Variants in REM2 observed in about 807,000 individuals in gnomAD.
REM2 encodes the protein RRAD and GEM like GTPase 2.
In REM2, 24 loss-of-function variants were observed where a neutral mutation model predicts 24.4. That is an observed-to-expected ratio of 0.98 (90% CI 0.71 to 1.38). The LOEUF is 1.38. Among genes scored for constraint, REM2 ranks in the 40% most tolerant of loss-of-function variants. The pLI is 0.00. For missense variants in REM2, 429 were observed against 467.8 expected, an observed-to-expected ratio of 0.92 and a Z score of 0.77; for synonymous variants, 187 against 198.0, an observed-to-expected ratio of 0.94 and a Z score of 0.47.
intron 1 of REM2, among the ~76,000 whole-genome samples, chr14:22,883,598 C>G (rs2040089614): frequency 1.3e-5 from 2 of 152,096 alleles, no homozygotes; most frequent in African/African-American, 2.4e-5. Context: ...ATGCCCCCTC[C>G]CCCAGCACTC....
chr14:22,883,804 C>G (rs549360784), intron 1 of REM2, among the ~76,000 whole-genome samples: 1 of 152,218 alleles, frequency 6.6e-6, no homozygotes, highest in East Asian at 1.9e-4. Flanking sequence ...AGTATTGATC[C>G]TGGGCTATTT....
At chr14:22,885,583 C>T (rs1346175349) in intron 3 of REM2, among the ~76,000 whole-genome samples, 4 of 152,186 alleles carry the variant, frequency 2.6e-5, no homozygotes, top group South Asian at 2.1e-4. Context: ...ACAAACCCTG[C>T]AGCTCCAAGC....
chr14:22,885,857 C>T (rs143597825), intron 3 of REM2, among the ~76,000 whole-genome samples, 167 bp from the exon 4 acceptor site: 4 of 152,292 alleles, frequency 2.6e-5, no homozygotes, highest in African/African-American at 7.2e-5. Flanking sequence ...TAATTTCTTC[C>T]GCCTCCACAA....
rs550306736 is a variant in REM2 at position 22,884,428 on chromosome 14, G to A, written c.104-246G>A. 5.0e-4 allele frequency: 489 copies of A among 985,462 alleles called. 13 individuals are homozygous for A. In the South Asian group the frequency reaches 0.02, roughly 40 times the overall value. The allele number at this position is 985,462 out of a possible 1,614,324, so 61.0% of individuals were successfully genotyped here. A position where few individuals can be genotyped will look rare whatever the true frequency, so the allele number is the denominator to read the frequency against. On this transcript the variant is annotated intron_variant, in intron 1 of 4. Coordinates refer to ENST00000267396, the MANE Select transcript of REM2 (RefSeq NM_173527.3). Reference sequence around the variant, plus strand: ...CATTCAGGTCCCTTCCCTGCATGGGGCACGTTTTGAATAGGTTGGGGTTGG... The same window carrying A: ...CATTCAGGTCCCTTCCCTGCATGGGACACGTTTTGAATAGGTTGGGGTTGG...
In REM2 at chr14:22,883,379, C is replaced by A. The variant is rs201949801; in HGVS notation, c.92C>A (p.Thr31Lys). ...AGCCGCCGGGCCTCCCCTCCAGGGA[C>A]GCCCACACCAGGTGAGGGCTAACCT... ...SGSRRASPPG[T>K]PTPEADATLL... Residue 31 changes from threonine to lysine, a missense_variant, in exon 1 of 5, where the codon ACG becomes AAG. Thr to Lys is a moderately conservative substitution (Grantham distance 78). Coordinates refer to ENST00000267396, the MANE Select transcript of REM2 (RefSeq NM_173527.3). 6.4e-7 allele frequency: 1 copy of A among 1,553,774 alleles called. No homozygotes were observed. The highest frequency in any genetic ancestry group is 1.2e-5 in the South Asian group (1 of 84,186).
intron 3 of REM2, 27 bp from the exon 4 acceptor site, chr14:22,885,997 C>T (rs2040121807): frequency 6.3e-7 from 1 of 1,590,722 alleles, no homozygotes; most frequent in Non-Finnish European, 8.6e-7. Context: ...ATGCCTCCAG[C>T]CCTAACGTTC....
rs1402048091 is a variant in REM2 at position 22,887,560 on chromosome 14, G to A, written c.*651G>A. The A allele has an allele frequency of 6.6e-6, 1 of 152,198 alleles. No individual in the cohort carries two copies. Among genetic ancestry groups the A allele is most frequent in the Non-Finnish European group, 1.5e-5 (1 of 68,034 alleles). The allele number at this position is 152,198 out of a possible 1,614,324, so 9.4% of individuals were successfully genotyped here. On this transcript the variant is annotated 3_prime_UTR_variant, in exon 5 of 5. Coordinates refer to ENST00000267396, the MANE Select transcript of REM2 (RefSeq NM_173527.3). ...CCCCTTTAAGGTTATTAAAGGTAAG[G>A]GGTGGACAGACTTTCTGCATTCAGA...
chr14:22,887,087 C>T lies in REM2; in HGVS notation c.*178C>T. 2.1e-6 allele frequency: 1 copy of T among 470,144 alleles called. No homozygotes were observed. Among genetic ancestry groups the T allele is most frequent in the Non-Finnish European group, 3.6e-6 (1 of 275,356 alleles). 29.1% of individuals were successfully genotyped at this position (470,144 alleles called of 1,614,324 possible). On this transcript the variant is annotated 3_prime_UTR_variant, in exon 5 of 5. Coordinates refer to ENST00000267396, the MANE Select transcript of REM2 (RefSeq NM_173527.3). ...GCCCGGGGCCGCTCGGCGGCACCTC[C>T]ACACCCGCCCCAACGCGTTCTCTGG...
chr14:22,885,309 G>A lies in REM2; in HGVS notation c.489G>A (p.Val163=). Residue 163 remains valine (V), a synonymous_variant, in exon 3 of 5, where the codon GTG becomes GTA. Coordinates refer to ENST00000267396, the MANE Select transcript of REM2 (RefSeq NM_173527.3). Reference sequence around the variant, plus strand: ...GCATCATGGTGGATAAGGAGGAAGTGACTCTAGTCGTTTATGACATCTGGG... The same window carrying A: ...GCATCATGGTGGATAAGGAGGAAGTAACTCTAGTCGTTTATGACATCTGGG... ...ERRIMVDKEE[V]TLVVYDIWEQ... The A allele has an allele frequency of 6.2e-7, 1 of 1,613,696 alleles. No individual in the cohort carries two copies. Among genetic ancestry groups the A allele is most frequent in the Non-Finnish European group, 8.5e-7 (1 of 1,179,624 alleles).
intron 1 of REM2, chr14:22,883,951 T>A (rs1029000359): frequency 2.3e-6 from 2 of 883,230 alleles, no homozygotes; most frequent in African/African-American, 3.7e-5. Context: ...CTTCTACTGC[T>A]CTATGAACAC....
At chr14:22,885,622 T>C (rs1232092761) in intron 3 of REM2, among the ~76,000 whole-genome samples, 2 of 152,024 alleles carry the variant, frequency 1.3e-5, no homozygotes, top group African/African-American at 2.4e-5. Context: ...ATTGACTCCA[T>C]CCATAAATTT....
chr14:22,884,030 A>G lies in REM2; in HGVS notation c.103+640A>G, dbSNP rs539574531. 17 of 985,098 alleles carry G rather than the reference A, an allele frequency of 1.7e-5. No individual in the cohort carries two copies. In the South Asian group the frequency reaches 7.5e-4, roughly 44 times the overall value. 61.0% of individuals were successfully genotyped at this position (985,098 alleles called of 1,614,324 possible). Reference sequence around the variant, plus strand: ...CTCACATCCAACCACGCAATGAGGGATGCTCACCTACAGGGCCACGGGAAG... The same window carrying G: ...CTCACATCCAACCACGCAATGAGGGGTGCTCACCTACAGGGCCACGGGAAG... On this transcript the variant is annotated intron_variant, in intron 1 of 4. Coordinates refer to ENST00000267396, the MANE Select transcript of REM2 (RefSeq NM_173527.3).
rs995582658 is a variant in REM2, at chr14:22,883,466, T to C, written c.103+76T>C. 2.2e-6 allele frequency: 3 copies of C among 1,342,906 alleles called. No individual in the cohort carries two copies. In the African/African-American group the frequency reaches 4.4e-5, roughly 20 times the overall value. The allele number at this position is 1,342,906 out of a possible 1,614,324, so 83.2% of individuals were successfully genotyped here. ...GAAGCTTTGGTGGGGAGGTCAGAAC[T>C]AGGGGTTGAGGGAGCTTGAGCTCAG... On this transcript the variant is annotated intron_variant, in intron 1 of 4. Transcript: ENST00000267396.
rs769540596 is a variant in REM2 at position 22,884,962 on chromosome 14, C to T, written c.392C>T (p.Ala131Val). The stretch of plus-strand genomic sequence containing the variant: ...AGCGGCGTGGGCAAGAGCACCCTAG[C>T]AGGCACTTTTGGTGGTCTCCAGGGA... Reference protein sequence around the residue: ...GESGVGKSTLAGTFGGLQGDS... With the variant: ...GESGVGKSTLVGTFGGLQGDS... Residue 131 changes from alanine to valine, a missense_variant, in exon 2 of 5, where the codon GCA (alanine) becomes GTA (valine). Physicochemically the swap from Ala to Val is moderately conservative, Grantham distance 64. Coordinates refer to ENST00000267396, the MANE Select transcript of REM2 (RefSeq NM_173527.3). The T allele has an allele frequency of 1.9e-6, 3 of 1,576,408 alleles. No individual in the cohort carries two copies. The African/African-American group carries it at 4.1e-5, about 21-fold the overall frequency.
chr14:22,886,320 A>C lies in REM2; in HGVS notation c.727+89A>C. On this transcript the variant is annotated intron_variant, in intron 4 of 4. Transcript: ENST00000267396. The surrounding 1 kb of genome is among the most constrained non-coding windows in gnomAD (Gnocchi z 5.9). ...CTCTTCTCCCTAAGGCCTTTTTACC[A>C]TCGCGGACGCACTCACTTGCAATCA... The C allele has an allele frequency of 8.3e-7, 1 of 1,211,768 alleles. No homozygotes were observed. The highest frequency in any genetic ancestry group is 1.2e-6 in the Non-Finnish European group (1 of 841,384). 75.1% of individuals were successfully genotyped at this position (1,211,768 alleles called of 1,614,324 possible).
chr14:22,885,594 TAG>T (rs1438141413), intron 3 of REM2, among the ~76,000 whole-genome samples: 1 of 152,144 alleles, frequency 6.6e-6, no homozygotes, highest in African/African-American at 2.4e-5. Flanking sequence ...AGCTCCAAGC[TAG>T]GCTGGACACC....
Position 22,883,258 on chromosome 14 carries a change from A to G in REM2, c.-30A>G, listed in dbSNP as rs1319661425. 1.4e-6 allele frequency: 1 copy of G among 703,282 alleles called. No individual in the cohort carries two copies. Among genetic ancestry groups the G allele is most frequent in the African/African-American group, 2.1e-5 (1 of 47,938 alleles). The allele number at this position is 703,282 out of a possible 1,614,324, so 43.6% of individuals were successfully genotyped here. On this transcript the variant is annotated 5_prime_UTR_variant, in exon 1 of 5. Transcript: ENST00000267396. ...AGGGTGCTGCGAGCTGCTGGGCTGC[A>G]CACGCACACGCACACGCACACGCAC... is the stretch of plus-strand genomic sequence containing the variant.
rs773026460 is a variant in REM2, at chr14:22,884,964, G to A, written c.394G>A (p.Gly132Ser). The stretch of plus-strand genomic sequence containing the variant: ...CGGCGTGGGCAAGAGCACCCTAGCA[G>A]GCACTTTTGGTGGTCTCCAGGGAGA... Reference protein sequence around the residue: ...ESGVGKSTLAGTFGGLQGDSA... With the variant: ...ESGVGKSTLASTFGGLQGDSA... The change falls in exon 2 of 5, where the codon GGC becomes AGC. Residue 132 changes from glycine to serine, a missense_variant. Physicochemically the swap from Gly to Ser is moderately conservative, Grantham distance 56 (BLOSUM62 0). Coordinates refer to ENST00000267396, the MANE Select transcript of REM2 (RefSeq NM_173527.3). The A allele has an allele frequency of 2.5e-6, 4 of 1,574,630 alleles. No individual in the cohort carries two copies. The highest frequency in any genetic ancestry group is 3.5e-6 in the Non-Finnish European group (4 of 1,157,710).
intron 1 of REM2, chr14:22,884,203 G>A: frequency 1.0e-6 from 1 of 985,362 alleles, no homozygotes; most frequent in Non-Finnish European, 1.2e-6. Flanking sequence ...CCAGACACTG[G>A]GCAGCAGTTT....
Sources: allele counts gnomAD v4.1 joint callset (sites outside exome capture counted in the v4.1 genomes callset), GRCh38; gene constraint gnomAD v4.1.1; non-coding constraint Gnocchi (gnomAD v3.1); transcripts MANE v1.5; gene names NCBI Gene and HGNC (gene_info 2026-07-23, HGNC 2026-07-21).